SLC35F3: variants seen among roughly 807,000 people sequenced by gnomAD.
SLC35F3 encodes putative thiamine transporter SLC35F3.
SLC35F3 carries 25 observed loss-of-function variants against 49.9 expected under a neutral mutation model. That is an observed-to-expected ratio of 0.50 (90% confidence interval 0.37 to 0.70). The LOEUF (loss-of-function observed/expected upper bound fraction) is 0.70, where lower values mean the gene tolerates loss of function less well. Among genes scored for constraint, SLC35F3 ranks in the 30% least tolerant of loss-of-function variants. The pLI is 0.00. For synonymous variants in SLC35F3, 275 were observed against 265.4 expected (o/e 1.04, Z -0.35); for missense variants, 525 against 639.8 (o/e 0.82, Z 1.94).
At chr1:234,008,036 C>A (rs1663658005) in intron 2 of SLC35F3, among the ~76,000 whole-genome samples, 1 of 152,190 alleles carries the variant, frequency 6.6e-6, no homozygotes, top group Admixed American at 6.5e-5. Flanking sequence ...TCTCTGTATT[C>A]CACATTCTAG....
intron 2 of SLC35F3, among the ~76,000 whole-genome samples, chr1:233,969,507 G>A (rs1466427103): frequency 6.6e-6 from 1 of 152,116 alleles, no homozygotes; most frequent in African/African-American, 2.4e-5. Context: ...TTCTCCTGGT[G>A]TTCCTGCACC....
intron 2 of SLC35F3, among the ~76,000 whole-genome samples, chr1:234,110,452 CAG>C (rs1340494158): frequency 6.6e-6 from 1 of 152,184 alleles, no homozygotes; most frequent in African/African-American, 2.4e-5. Context: ...GATTTTGGTT[CAG>C]GATAATGTGT....
intron 3 of SLC35F3, among the ~76,000 whole-genome samples, chr1:234,295,361 C>A (rs769325248): frequency 1.3e-5 from 2 of 152,198 alleles, no homozygotes; most frequent in African/African-American, 4.8e-5. Flanking sequence ...TGCTGCCTTG[C>A]GAAGCTTGGG....
intron 2 of SLC35F3, among the ~76,000 whole-genome samples, chr1:234,151,909 G>C (rs943516418): frequency 3.3e-5 from 5 of 151,966 alleles, no homozygotes; most frequent in African/African-American, 7.2e-5. Flanking sequence ...TATTTAAAGA[G>C]CATTTTATAC....
chr1:234,097,117 G>A (rs934369536), intron 2 of SLC35F3, among the ~76,000 whole-genome samples: 24 of 152,004 alleles, frequency 1.6e-4, no homozygotes, highest in South Asian at 2.1e-4. Flanking sequence ...TCGAACTCCC[G>A]ACCTCAGGTG....
chr1:234,215,252 T>C (rs1385843043), intron 2 of SLC35F3, among the ~76,000 whole-genome samples: 1 of 152,156 alleles, frequency 6.6e-6, no homozygotes, highest in African/African-American at 2.4e-5. Flanking sequence ...CGTGTTGTCC[T>C]TTCTGCCTGG....
intron 7 of SLC35F3, among the ~76,000 whole-genome samples, chr1:234,321,563 G>A (rs544353150): frequency 9.8e-5 from 15 of 152,332 alleles, no homozygotes; most frequent in South Asian, 4.1e-4. Context: ...TGGTCATACC[G>A]TGTTCCTGTC....
intron 2 of SLC35F3, among the ~76,000 whole-genome samples, chr1:233,908,295 C>A (rs991600189): frequency 2.0e-5 from 3 of 152,026 alleles, no homozygotes; most frequent in Non-Finnish European, 4.4e-5. Context: ...TTATCTGTGT[C>A]CTAACTGAAG....
At chr1:233,999,161 T>A (rs1663509392) in intron 2 of SLC35F3, among the ~76,000 whole-genome samples, 1 of 152,136 alleles carries the variant, frequency 6.6e-6, no homozygotes, top group East Asian at 1.9e-4. Flanking sequence ...GGTATCCCCT[T>A]TGTCTAAGCT....
intron 2 of SLC35F3, among the ~76,000 whole-genome samples, chr1:233,964,281 G>T (rs1371034625): frequency 6.6e-6 from 1 of 152,170 alleles, no homozygotes; most frequent in African/African-American, 2.4e-5. Context: ...TAGATGTGAG[G>T]CGTGCTCAAA....
At chr1:234,122,575 G>GCCCC (rs1665592211) in intron 2 of SLC35F3, among the ~76,000 whole-genome samples, 1 of 152,138 alleles carries the variant, frequency 6.6e-6, no homozygotes, top group South Asian at 2.1e-4. Flanking sequence ...TAGGTTTTAA[G>GCCCC]CCCCATATGC....
chr1:234,113,944 C>T (rs1665446025), intron 2 of SLC35F3, among the ~76,000 whole-genome samples: 1 of 152,228 alleles, frequency 6.6e-6, no homozygotes, highest in Admixed American at 6.5e-5. Flanking sequence ...TACAAGTGTT[C>T]TCTTGCCTCC....
intron 2 of SLC35F3, among the ~76,000 whole-genome samples, chr1:234,021,760 C>T (rs980673854): frequency 3.3e-5 from 5 of 152,216 alleles, no homozygotes; most frequent in Non-Finnish European, 5.9e-5. Flanking sequence ...ATTCCACGCA[C>T]ACCATTCAGG....
At chr1:233,980,716 AATG>A (rs562867887) in intron 2 of SLC35F3, among the ~76,000 whole-genome samples, 74 of 152,330 alleles carry the variant, frequency 4.9e-4, no homozygotes, top group African/African-American at 1.8e-3. Context: ...TTTTTAAAAG[AATG>A]ATGATGATTT....
intron 3 of SLC35F3, among the ~76,000 whole-genome samples, chr1:234,290,941 C>T (rs952344611): frequency 2.6e-5 from 4 of 152,062 alleles, no homozygotes. Flanking sequence ...GCTTGATTCT[C>T]TCTTACTGAA....
chr1:234,100,896 G>A (rs186409794), intron 2 of SLC35F3, among the ~76,000 whole-genome samples: 2 of 152,144 alleles, frequency 1.3e-5, no homozygotes, highest in African/African-American at 4.8e-5. Context: ...TTCATGCCTC[G>A]ATTGCATATA....
At chr1:234,149,242 C>A (rs1318329575) in intron 2 of SLC35F3, among the ~76,000 whole-genome samples, 1 of 152,154 alleles carries the variant, frequency 6.6e-6, no homozygotes, top group African/African-American at 2.4e-5. Flanking sequence ...ATAAAATACC[C>A]ATGGGGGACA....
chr1:234,210,193 C>T (rs1197359834), intron 2 of SLC35F3, among the ~76,000 whole-genome samples: 1 of 152,174 alleles, frequency 6.6e-6, no homozygotes, highest in Non-Finnish European at 1.5e-5. Context: ...CCTTGCCTTC[C>T]AGCATGATTG....
chr1:233,920,691 G>A (rs1382977503), intron 2 of SLC35F3, among the ~76,000 whole-genome samples: 1 of 152,214 alleles, frequency 6.6e-6, no homozygotes, highest in African/African-American at 2.4e-5. Context: ...ATTGTGTTAT[G>A]TTACATGAGA....
Sources: allele counts gnomAD v4.1 joint callset (sites outside exome capture counted in the v4.1 genomes callset), GRCh38; gene constraint gnomAD v4.1.1; transcripts MANE v1.5; gene names NCBI Gene and HGNC (gene_info 2026-07-23, HGNC 2026-07-21).